The following LIMS1 variants were observed in gnomAD, a reference collection of about 807,000 sequenced individuals.
The protein encoded by LIMS1 is LIM and senescent cell antigen-like-containing domain protein 1.
LIMS1 carries 18 observed loss-of-function variants against 44.1 expected under a neutral mutation model. The observed-to-expected ratio is 0.41, with a 90% CI of 0.28 to 0.61. The LOEUF is 0.61. Among genes scored for constraint, LIMS1 ranks in the 20% least tolerant of loss-of-function variants. The pLI is 0.32. For missense variants in LIMS1, 201 were observed against 422.0 expected (o/e 0.48, Z 4.59); for synonymous variants, 93 against 149.1 (o/e 0.62, Z 2.74).
rs1430569181 is a variant in LIMS1 at position 108,676,048 on chromosome 2, G to A, written c.681+20G>A. The A allele has an allele frequency of 6.2e-7, 1 of 1,601,782 alleles. No homozygotes were observed. The highest frequency in any genetic ancestry group is 8.5e-7 in the Non-Finnish European group (1 of 1,172,964). ...GTGGAGGTGAGTTCTAAATGGCAAAGGGTAACCAATCCTTTCAAATCTCCA... is the reference window on the plus strand; with the variant it reads ...GTGGAGGTGAGTTCTAAATGGCAAAAGGTAACCAATCCTTTCAAATCTCCA... On this transcript the variant is annotated intron_variant, in intron 6 of 9. Transcript: ENST00000544547.
intron 1 of LIMS1, among the ~76,000 whole-genome samples, chr2:108,620,656 C>T (rs902518755): frequency 4.6e-5 from 7 of 152,186 alleles, no homozygotes; most frequent in Non-Finnish European, 7.4e-5. Context: ...GCCTTTCCTA[C>T]GAGAGGGCAT....
intron 5 of LIMS1, chr2:108,674,088 G>A (rs1281206712): frequency 6.6e-6 from 1 of 152,160 alleles, no homozygotes; most frequent in African/African-American, 2.4e-5. Context: ...AGCACTTTGG[G>A]AGGCCGAGGC....
chr2:108,596,850 G>A (rs1433617056), intron 1 of LIMS1, among the ~76,000 whole-genome samples: 1 of 150,198 alleles, frequency 6.7e-6, no homozygotes, highest in Admixed American at 6.6e-5. Context: ...AAGGAGGGGG[G>A]CATGTTGAGG....
Position 108,585,600 on chromosome 2 carries a change from G to A in LIMS1, c.32+51006G>A, listed in dbSNP as rs374051323. 1.3e-4 allele frequency among the ~76,000 whole-genome samples: 20 copies of A among 152,246 alleles called. No individual in the cohort carries two copies. The South Asian group carries it at 3.9e-3, about 30-fold the overall frequency. ...TGAGATTTGTTGAAGTCATCAGGGA[G>A]AATGTGCGCAATGAGAGGAGCAGAA... On this transcript the variant is annotated intron_variant, in intron 1 of 9. Coordinates refer to ENST00000544547, the Ensembl canonical transcript of LIMS1.
At chr2:108,628,672 G>A (rs1395311716) in intron 1 of LIMS1, among the ~76,000 whole-genome samples, 1 of 152,148 alleles carries the variant, frequency 6.6e-6, no homozygotes, top group Non-Finnish European at 1.5e-5. Context: ...CACCATGTTG[G>A]CCAGGCTGGT....
chr2:108,668,891 C>T (rs539107425), intron 2 of LIMS1, among the ~76,000 whole-genome samples: 5 of 152,210 alleles, frequency 3.3e-5, no homozygotes, highest in South Asian at 4.1e-4. Flanking sequence ...GGCATAGTAT[C>T]GAGTAATAGC....
intron 5 of LIMS1, chr2:108,673,830 A>G (rs1360655764): frequency 6.6e-6 from 1 of 152,248 alleles, no homozygotes; most frequent in Non-Finnish European, 1.5e-5. Context: ...TCTAAAAACA[A>G]AAAAAGGTCT....
At chr2:108,668,224 C>CTAGCTATTTTGAAA (rs1230305626) in intron 2 of LIMS1, among the ~76,000 whole-genome samples, 3 of 152,148 alleles carry the variant, frequency 2.0e-5, no homozygotes, top group Admixed American at 6.6e-5. Flanking sequence ...TATCCCTTTT[C>CTAGCTATTTTGAAA]TAGCTATTTT....
intron 1 of LIMS1, among the ~76,000 whole-genome samples, chr2:108,613,570 T>A (rs941634008): frequency 1.8e-4 from 28 of 152,144 alleles, no homozygotes; most frequent in Non-Finnish European, 3.8e-4. Context: ...CTCAAGCTGC[T>A]GTCTGTTCCA....
At chr2:108,647,290 C>G (rs915350064) in intron 1 of LIMS1, among the ~76,000 whole-genome samples, 3 of 152,092 alleles carry the variant, frequency 2.0e-5, no homozygotes, top group African/African-American at 4.8e-5. Flanking sequence ...CTGAATAGAC[C>G]AATAACAAGT....
intron 1 of LIMS1, among the ~76,000 whole-genome samples, chr2:108,551,473 A>G (rs1213766159): frequency 7.8e-6 from 1 of 128,052 alleles, no homozygotes; most frequent in East Asian, 2.2e-4. Context: ...CACTCTATAT[A>G]CATATATGCG....
intron 1 of LIMS1, among the ~76,000 whole-genome samples, chr2:108,653,691 G>A (rs1249266910): frequency 2.0e-5 from 3 of 149,692 alleles, no homozygotes; most frequent in South Asian, 2.2e-4. Context: ...AGTTAATGAC[G>A]CACCCATGAC....
chr2:108,588,130 G>C (rs1425878103), intron 1 of LIMS1, among the ~76,000 whole-genome samples: 2 of 152,000 alleles, frequency 1.3e-5, no homozygotes, highest in African/African-American at 4.8e-5. Flanking sequence ...TAAGTTTTTG[G>C]GTGAATTTCT....
rs139329111 is a variant in LIMS1, at chr2:108,592,910, A to G, written c.32+58316A>G. Among the ~76,000 whole-genome samples, 751 of 152,272 alleles carry G rather than the reference A, an allele frequency of 4.9e-3. 8 individuals are homozygous for G. The highest frequency in any genetic ancestry group is 0.017 in the African/African-American group (689 of 41,548). On this transcript the variant is annotated intron_variant, in intron 1 of 9. Transcript: ENST00000544547. ...CCCCTTTTTATTGTATTAATAGTAAAATGTATATAACATTCAGTTGTGGAG... is the reference window on the plus strand; with the variant it reads ...CCCCTTTTTATTGTATTAATAGTAAGATGTATATAACATTCAGTTGTGGAG...
rs1201057560 is a variant in LIMS1 at position 108,620,395 on chromosome 2, ATT to A, written c.33-39208_33-39207del. ...AAGATCTTGCTGGGAGGTAGCCTGTATTTGTGGTGTGGTCCTGTGTTCCCAGT... is the reference window on the plus strand; with the variant it reads ...AAGATCTTGCTGGGAGGTAGCCTGTATGTGGTGTGGTCCTGTGTTCCCAGT... On this transcript the variant is annotated intron_variant, in intron 1 of 9. Coordinates refer to ENST00000544547, the Ensembl canonical transcript of LIMS1. Among the ~76,000 whole-genome samples the A allele has an allele frequency of 2.6e-5, 4 of 152,158 alleles. No homozygotes were observed. The East Asian group carries it at 5.8e-4, about 22-fold the overall frequency.
intron 1 of LIMS1, among the ~76,000 whole-genome samples, chr2:108,545,059 T>G (rs1199612037): frequency 6.6e-6 from 1 of 152,242 alleles, no homozygotes; most frequent in Non-Finnish European, 1.5e-5. Flanking sequence ...AATTGAGATC[T>G]GAATAAGGTT....
At chr2:108,542,690 C>A (rs1245511436) in intron 1 of LIMS1, among the ~76,000 whole-genome samples, 1 of 152,174 alleles carries the variant, frequency 6.6e-6, no homozygotes, top group Non-Finnish European at 1.5e-5. Context: ...TCTTTCTGAA[C>A]TTGATTTTTG....
chr2:108,578,441 A>G (rs568300237), intron 1 of LIMS1, among the ~76,000 whole-genome samples: 1 of 152,300 alleles, frequency 6.6e-6, no homozygotes, highest in East Asian at 1.9e-4. Context: ...TCTCCACCAT[A>G]TGAAATAAGG....
At chr2:108,603,086 A>G (rs1276906960) in intron 1 of LIMS1, among the ~76,000 whole-genome samples, 1 of 152,034 alleles carries the variant, frequency 6.6e-6, no homozygotes. Flanking sequence ...TCGCCTGACC[A>G]GGTTTTCTTT....
Sources: gnomAD v4.1 joint callset for allele counts (sites outside exome capture counted in the v4.1 genomes callset) on GRCh38, gnomAD v4.1.1 for gene constraint, MANE v1.5 for transcripts, NCBI Gene and HGNC (gene_info 2026-07-23, HGNC 2026-07-21) for gene names.